The following B4GALT7 variants were observed in gnomAD, a reference collection of about 807,000 sequenced individuals.
B4GALT7 encodes the protein beta-1,4-galactosyltransferase 7, also known as UDP-Gal:beta-GlcNAc beta-1,4-galactosyltransferase 7.
B4GALT7 carries 30 observed loss-of-function variants against 33.0 expected under a neutral mutation model. The observed-to-expected ratio is 0.91, with a 90% confidence interval of 0.68 to 1.23. The LOEUF is 1.23. Ranked by LOEUF, B4GALT7 falls within the 50% of genes most tolerant of loss-of-function variation. B4GALT7 has a pLI of 0.00. For missense variants in B4GALT7, 507 were observed against 450.8 expected, an observed-to-expected ratio of 1.12 and a Z score of -1.13; for synonymous variants, 213 against 187.2, an observed-to-expected ratio of 1.14 and a Z score of -1.13.
At chr5:177,602,272 A>G (rs982421564) in intron 1 of B4GALT7, among the ~76,000 whole-genome samples, 1 of 152,242 alleles carries the variant, frequency 6.6e-6, no homozygotes, top group Admixed American at 6.5e-5. Flanking sequence ...CTGCAAGGCT[A>G]CTGGCTTCCA....
At chr5:177,607,549 C>T (rs1310490078) in intron 3 of B4GALT7, 22 bp downstream of exon 3, 1 of 1,602,354 alleles carries the variant, frequency 6.2e-7, no homozygotes, top group Non-Finnish European at 8.5e-7. Flanking sequence ...ACAGCCTGCT[C>T]TGCTCAGAGC....
At chr5:177,602,284 G>A (rs28398967) in intron 1 of B4GALT7, among the ~76,000 whole-genome samples, 2,916 of 152,268 alleles carry the variant, frequency 0.019, 60 homozygotes, top group African/African-American at 0.05. Context: ...TGGCTTCCAG[G>A]TTGGCGGTCT....
intron 2 of B4GALT7, 125 bp downstream of exon 2, chr5:177,604,666 G>A (rs1323993944): frequency 5.4e-6 from 7 of 1,292,400 alleles, no homozygotes; most frequent in Non-Finnish European, 7.6e-6. Flanking sequence ...CTCACTGGGT[G>A]TGACAGGAAC....
Position 177,604,369 on chromosome 5 carries a change from C to G in B4GALT7, c.241C>G (p.Pro81Ala). ...PPRACPPEPPPEHWEEDASWG... is the reference protein window; with the variant it reads ...PPRACPPEPPAEHWEEDASWG... ...CCGTGCCTGCCCCCCAGAGCCGCCC[C>G]CTGAGCACTGGGAAGAAGACGCATC... Residue 81 changes from proline (P) to alanine (A), a missense_variant, in exon 2 of 6, where the codon CCT becomes GCT. Transcript: ENST00000029410. The G allele has an allele frequency of 1.9e-6, 3 of 1,613,112 alleles. No individual in the cohort carries two copies. The highest frequency in any genetic ancestry group is 2.5e-6 in the Non-Finnish European group (3 of 1,179,518).
Position 177,604,296 on chromosome 5 carries a change from C to G in B4GALT7, c.168C>G (p.Asp56Glu), listed in dbSNP as rs1309659292. ...LLWLQLSCSG[D>E]VARAVRGQGQ... ...GGCTGCAGCTCAGCTGCTCTGGGGA[C>G]GTGGCCCGGGCAGTCAGGGGACAAG... Residue 56 changes from aspartate (D) to glutamate (E), a missense_variant, in exon 2 of 6, where the codon GAC becomes GAG. Coordinates refer to ENST00000029410, the MANE Select transcript of B4GALT7 (RefSeq NM_007255.3). 1.2e-6 allele frequency: 2 copies of G among 1,611,810 alleles called. No individual in the cohort carries two copies. The highest frequency in any genetic ancestry group is 2.2e-5 in the East Asian group (1 of 44,808).
At position 177,604,389 on chromosome 5, in the gene B4GALT7, C is replaced by T. The variant is rs1767923322; in HGVS notation, c.261C>T (p.Asp87=). The T allele has an allele frequency of 6.2e-7, 1 of 1,613,630 alleles. No individual in the cohort carries two copies. Among genetic ancestry groups the T allele is most frequent in the South Asian group, 1.1e-5 (1 of 91,064 alleles). The change falls in exon 2 of 6, where the codon GAC becomes GAT. Residue 87 remains aspartate, a synonymous_variant. Transcript: ENST00000029410. ...CGCCCCCTGAGCACTGGGAAGAAGA[C>T]GCATCCTGGGGCCCCCACCGCCTGG... The part of the protein sequence containing the change: ...PEPPPEHWEE[D]ASWGPHRLAV...
Position 177,600,883 on chromosome 5 carries a change from C to G in B4GALT7, c.50+623C>G, listed in dbSNP as rs1176886941. Among the ~76,000 whole-genome samples the G allele has an allele frequency of 1.3e-5, 2 of 152,202 alleles. No individual in the cohort carries two copies. Among genetic ancestry groups the G allele is most frequent in the Non-Finnish European group, 2.9e-5 (2 of 68,048 alleles). On this transcript the variant is annotated intron_variant, in intron 1 of 5. Transcript: ENST00000029410. This position sits in a 1 kb window ranked among gnomAD's most constrained non-coding sequence, Gnocchi z 4.4. ...ACGTACTAGACACTCCTTATACACG[C>G]ATTAGTCCATTTCCTGTGCAGCTGT...
chr5:177,608,510 C>T lies in B4GALT7; in HGVS notation c.640-29C>T. ...AGGCCCCCCCCCCCGGGAAGATGGG[C>T]CGAGTGACGCTGCTTGTCTCTGTGT... On this transcript the variant is annotated intron_variant, in intron 3 of 5. Transcript: ENST00000029410. This position sits in a 1 kb window ranked among gnomAD's most constrained non-coding sequence, Gnocchi z 4.1. The T allele has an allele frequency of 6.4e-7, 1 of 1,569,180 alleles. No individual in the cohort carries two copies.
At chr5:177,605,074 CCCCACCAGCCTGATCTT>C (rs1767950224) in intron 2 of B4GALT7, 1 of 455,672 alleles carries the variant, frequency 2.2e-6, no homozygotes, top group Admixed American at 2.4e-5. Context: ...GGATTCTCAG[CCCCACCAGCCTGATCTT>C]CCCACCTTTT....
At chr5:177,605,425 G>A (rs1767966444) in intron 2 of B4GALT7, among the ~76,000 whole-genome samples, 1 of 152,236 alleles carries the variant, frequency 6.6e-6, no homozygotes, top group Non-Finnish European at 1.5e-5. Context: ...CCTCTGGTCT[G>A]TCCACTGCAG....
At chr5:177,605,426 T>C (rs1335404056) in intron 2 of B4GALT7, among the ~76,000 whole-genome samples, 2 of 152,230 alleles carry the variant, frequency 1.3e-5, no homozygotes, top group Non-Finnish European at 2.9e-5. Flanking sequence ...CTCTGGTCTG[T>C]CCACTGCAGC....
rs1768077881 is a variant in B4GALT7 at position 177,608,486 on chromosome 5, G to GC, written c.640-53_640-52insC. The GC allele has an allele frequency of 6.7e-7, 1 of 1,483,974 alleles. No homozygotes were observed. Among genetic ancestry groups the GC allele is most frequent in the East Asian group, 2.4e-5 (1 of 42,456 alleles). 91.9% of individuals were successfully genotyped at this position (1,483,974 alleles called of 1,614,324 possible). A position where few individuals can be genotyped will look rare whatever the true frequency, so the allele number is the denominator to read the frequency against. The stretch of plus-strand genomic sequence containing the variant: ...CACTCCCGAGCGGTAGGAGACCAAA[G>GC]GCCCCCCCCCCCGGGAAGATGGGCC... On this transcript the variant is annotated intron_variant, in intron 3 of 5. Coordinates refer to ENST00000029410, the MANE Select transcript of B4GALT7 (RefSeq NM_007255.3). This position sits in a 1 kb window ranked among gnomAD's most constrained non-coding sequence, Gnocchi z 4.1.
chr5:177,602,377 A>C (rs1767870341), intron 1 of B4GALT7, among the ~76,000 whole-genome samples: 1 of 152,072 alleles, frequency 6.6e-6, no homozygotes, highest in African/African-American at 2.4e-5. Context: ...TCTGTAACTC[A>C]CTTGGCAAGC....
Position 177,608,988 on chromosome 5 carries a change from C to T in B4GALT7, c.802C>T (p.Gln268Ter). The change falls in exon 5 of 6, where the codon CAG becomes TAG. Residue 268 changes from glutamine to a stop codon, truncating the protein, a stop_gained. Coordinates refer to ENST00000029410, the MANE Select transcript of B4GALT7 (RefSeq NM_007255.3). LOFTEE classifies it high-confidence loss of function. The surrounding 1 kb of genome is among the most constrained non-coding windows in gnomAD (Gnocchi z 4.1). ...TGACCCAGCCTGGCGGAAGAGGGACCAGAAGCGCATCGCAGCTCAAAAACA... is the reference window on the plus strand; with the variant it reads ...TGACCCAGCCTGGCGGAAGAGGGACTAGAAGCGCATCGCAGCTCAAAAACA... ...LHDPAWRKRD[Q>*]KRIAAQKQEQ... is the part of the protein sequence containing the mutation. 1 of 1,612,800 alleles carries T rather than the reference C, an allele frequency of 6.2e-7. No homozygotes were observed. The highest frequency in any genetic ancestry group is 8.5e-7 in the Non-Finnish European group (1 of 1,179,972).
intron 1 of B4GALT7, chr5:177,602,668 C>T (rs1358581521): frequency 6.0e-6 from 1 of 167,660 alleles, no homozygotes. Context: ...AGTGGAGAAG[C>T]TCCGAGGTGC....
chr5:177,600,179 G>T lies in B4GALT7; in HGVS notation c.-32G>T. 5 of 1,323,152 alleles carry T rather than the reference G, an allele frequency of 3.8e-6. No individual in the cohort carries two copies. Among genetic ancestry groups the T allele is most frequent in the Non-Finnish European group, 4.8e-6 (5 of 1,031,254 alleles). 82.0% of individuals were successfully genotyped at this position (1,323,152 alleles called of 1,614,324 possible). On this transcript the variant is annotated 5_prime_UTR_variant, in exon 1 of 6. Coordinates refer to ENST00000029410, the MANE Select transcript of B4GALT7 (RefSeq NM_007255.3). This position sits in a 1 kb window ranked among gnomAD's most constrained non-coding sequence, Gnocchi z 4.4. ...AGGCCGGGCCGGCCGGGCTGCGAGC[G>T]CCTGCCCCATGCGCCGCCGCCTCTC...
rs79190555 is a variant in B4GALT7, at chr5:177,610,279, A to T, written c.*584A>T. 1.0e-3 allele frequency: 162 copies of T among 156,128 alleles called. 4 individuals are homozygous for T. The East Asian group carries it at 0.027, about 26-fold the overall frequency. 9.7% of individuals were successfully genotyped at this position (156,128 alleles called of 1,614,324 possible). Reference sequence around the variant, plus strand: ...AACTAGAATGCTGGATTCTTAAGTGATATCTTCTGATTTTTTAAATGATAG... The same window carrying T: ...AACTAGAATGCTGGATTCTTAAGTGTTATCTTCTGATTTTTTAAATGATAG... On this transcript the variant is annotated 3_prime_UTR_variant, in exon 6 of 6. Coordinates refer to ENST00000029410, the MANE Select transcript of B4GALT7 (RefSeq NM_007255.3).
chr5:177,608,185 C>T lies in B4GALT7; in HGVS notation c.640-354C>T, dbSNP rs887554544. 3 of 326,494 alleles carry T rather than the reference C, an allele frequency of 9.2e-6. No homozygotes were observed. The highest frequency in any genetic ancestry group is 1.7e-5 in the Non-Finnish European group (3 of 171,574). 20.2% of individuals were successfully genotyped at this position (326,494 alleles called of 1,614,324 possible). On this transcript the variant is annotated intron_variant, in intron 3 of 5. Coordinates refer to ENST00000029410, the MANE Select transcript of B4GALT7 (RefSeq NM_007255.3). This position sits in a 1 kb window ranked among gnomAD's most constrained non-coding sequence, Gnocchi z 4.1. The stretch of plus-strand genomic sequence containing the variant: ...ATGGAACCCTGCTACCCCTCTCACA[C>T]ACACAGGAAGAGATGAGGGCAGGGC...
chr5:177,606,837 A>C lies in B4GALT7; in HGVS notation c.414-465A>C. 1.0e-5 allele frequency: 3 copies of C among 296,870 alleles called. No individual in the cohort carries two copies. The highest frequency in any genetic ancestry group is 2.0e-5 in the Non-Finnish European group (3 of 150,174). The allele number at this position is 296,870 out of a possible 1,614,324, so 18.4% of individuals were successfully genotyped here. A position where few individuals can be genotyped will look rare whatever the true frequency, so the allele number is the denominator to read the frequency against. On this transcript the variant is annotated intron_variant, in intron 2 of 5. Coordinates refer to ENST00000029410, the MANE Select transcript of B4GALT7 (RefSeq NM_007255.3). This position sits in a 1 kb window ranked among gnomAD's most constrained non-coding sequence, Gnocchi z 4.2. ...CTGCCGTGGCAGTGCCATCTCTCCTATGCAGAGCCCTAGGCACCCACTGCC... is the reference window on the plus strand; with the variant it reads ...CTGCCGTGGCAGTGCCATCTCTCCTCTGCAGAGCCCTAGGCACCCACTGCC...
Sources: gnomAD v4.1 joint callset for allele counts (sites outside exome capture counted in the v4.1 genomes callset) on GRCh38, gnomAD v4.1.1 for gene constraint, Gnocchi (gnomAD v3.1) non-coding constraint, MANE v1.5 for transcripts, NCBI Gene and HGNC (gene_info 2026-07-23, HGNC 2026-07-21) for gene names.